TIAM2: variants seen among roughly 807,000 people sequenced by gnomAD.
TIAM2 encodes TIAM Rac1 associated GEF 2, also known as rho guanine nucleotide exchange factor TIAM2.
TIAM2 carries 80 observed loss-of-function variants against 152.9 expected under a neutral mutation model. The ratio of observed to expected loss-of-function variants is 0.52; its 90% CI spans 0.44 to 0.63. The LOEUF is 0.63. Ranked by LOEUF, TIAM2 falls within the 30% of genes least tolerant of loss-of-function variation. The pLI is 0.00. For missense variants in TIAM2, 1,965 were observed against 2,120.1 expected, an observed-to-expected ratio of 0.93 and a Z score of 1.44; for synonymous variants, 804 against 838.0, an observed-to-expected ratio of 0.96 and a Z score of 0.70.
intron 1 of TIAM2, among the ~76,000 whole-genome samples, chr6:155,045,872 T>TTTTTC (rs1777163708): frequency 8.7e-6 from 1 of 114,562 alleles, no homozygotes. Flanking sequence ...GGTTTTTGTT[T>TTTTTC]GTTTGTTTTA....
chr6:155,092,847 C>T (rs1778334176), intron 2 of TIAM2, among the ~76,000 whole-genome samples: 1 of 81,178 alleles, frequency 1.2e-5, no homozygotes, highest in Non-Finnish European at 3.3e-5. Flanking sequence ...AAGAATGAAA[C>T]TCTGTCTCAA....
At chr6:155,119,618 C>T (rs920646042) in intron 2 of TIAM2, among the ~76,000 whole-genome samples, 2 of 152,194 alleles carry the variant, frequency 1.3e-5, no homozygotes. Flanking sequence ...GGATTACAGG[C>T]GTGAGCCACC....
At chr6:155,188,514 G>A (rs1036985488) in intron 14 of TIAM2, among the ~76,000 whole-genome samples, 5 of 152,158 alleles carry the variant, frequency 3.3e-5, no homozygotes, top group African/African-American at 9.7e-5. Flanking sequence ...TGACTTGAGC[G>A]GAAATATCAT....
chr6:155,247,711 G>A lies in TIAM2; in HGVS notation c.3653-289G>A, dbSNP rs546013716. On this transcript the variant is annotated intron_variant, in intron 19 of 26. Coordinates refer to ENST00000682666, the MANE Select transcript of TIAM2 (RefSeq NM_012454.4). ...TATTTCTCATGGGTATGCATGAAAT[G>A]TGTCTTTAAAGTCAGACATTCCTGC... is the stretch of plus-strand genomic sequence containing the variant. Among the ~76,000 whole-genome samples the A allele has an allele frequency of 1.8e-4, 28 of 152,334 alleles. 1 individual carries two copies. The South Asian group carries it at 5.4e-3, about 29-fold the overall frequency.
At chr6:155,178,973 C>A in intron 10 of TIAM2, 66 bp from the exon 11 acceptor site, 2 of 1,258,146 alleles carry the variant, frequency 1.6e-6, no homozygotes, top group Non-Finnish European at 2.3e-6. Flanking sequence ...TTTTAATAAG[C>A]CTGCTAACCA....
At chr6:155,088,376 C>T (rs968326036) in intron 1 of TIAM2, among the ~76,000 whole-genome samples, 22 of 152,106 alleles carry the variant, frequency 1.4e-4, no homozygotes, top group Non-Finnish European at 7.3e-5. Context: ...CCACTGCACC[C>T]GGCCCCGGTA....
chr6:155,178,949 A>C, intron 10 of TIAM2, 90 bp from the exon 11 acceptor site: 1 of 1,043,564 alleles, frequency 9.6e-7, no homozygotes, highest in East Asian at 2.5e-5. Context: ...TCTTTTAGAG[A>C]TTTCTACTTT....
rs987214089 is a variant in TIAM2 at position 155,079,949 on chromosome 6, GAAACAAA to G, written c.-208-10327_-208-10321del. ...GTTAATAGAGTGAGACCTTGTCTCAGAAACAAAAAACAAAAAACATAACCCCAAAAGT... is the reference window on the plus strand; with the variant it reads ...GTTAATAGAGTGAGACCTTGTCTCAGAAACAAAAAACATAACCCCAAAAGT... On this transcript the variant is annotated intron_variant, in intron 1 of 26. Transcript: ENST00000682666. 5.9e-5 allele frequency among the ~76,000 whole-genome samples: 9 copies of G among 152,084 alleles called. No individual in the cohort carries two copies. In the East Asian group the frequency reaches 1.4e-3, roughly 23 times the overall value.
At chr6:155,092,346 T>C (rs1455972663) in intron 2 of TIAM2, among the ~76,000 whole-genome samples, 49 of 145,436 alleles carry the variant, frequency 3.4e-4, no homozygotes, top group East Asian at 6.2e-4. Context: ...GATCCGCCCG[T>C]CTCAGCCTCC....
chr6:155,187,611 C>CTTTTTTTTTT (rs1781079830), intron 14 of TIAM2, among the ~76,000 whole-genome samples: 1 of 79,676 alleles, frequency 1.3e-5, no homozygotes, highest in Non-Finnish European at 2.3e-5. Flanking sequence ...TGAAGTTTTG[C>CTTTTTTTTTT]TCTTGTTGCC....
intron 14 of TIAM2, among the ~76,000 whole-genome samples, chr6:155,193,755 C>T (rs1462134422): frequency 6.6e-6 from 1 of 152,074 alleles, no homozygotes; most frequent in African/African-American, 2.4e-5. Context: ...TTTTGCTGCT[C>T]CATTGAGGAC....
chr6:155,099,592 C>G (rs905562507), intron 2 of TIAM2, among the ~76,000 whole-genome samples: 1 of 152,082 alleles, frequency 6.6e-6, no homozygotes, highest in African/African-American at 2.4e-5. Flanking sequence ...GGAAAATTAC[C>G]AGAACTTTGA....
intron 14 of TIAM2, among the ~76,000 whole-genome samples, chr6:155,184,133 C>T (rs141213073): frequency 6.6e-6 from 1 of 152,210 alleles, no homozygotes; most frequent in East Asian, 1.9e-4. Context: ...AGACTACAAA[C>T]GTGTACCACC....
intron 26 of TIAM2, 71 bp downstream of exon 26, chr6:155,254,644 G>A: frequency 6.4e-7 from 1 of 1,554,178 alleles, no homozygotes. Flanking sequence ...ATATGCTCTT[G>A]TAACATAGCT....
intron 1 of TIAM2, among the ~76,000 whole-genome samples, chr6:155,085,336 G>A (rs935859026): frequency 2.6e-5 from 4 of 152,188 alleles, no homozygotes; most frequent in Non-Finnish European, 5.9e-5. Flanking sequence ...CTTACGTAGA[G>A]GTGGGAGGCA....
At chr6:155,005,540 A>G (rs1161448393) in intron 1 of TIAM2, among the ~76,000 whole-genome samples, 1 of 151,934 alleles carries the variant, frequency 6.6e-6, no homozygotes, top group Non-Finnish European at 1.5e-5. Flanking sequence ...GGGTTTCACC[A>G]TGTTGGCCAG....
rs201228697 is a variant in TIAM2 at position 155,018,052 on chromosome 6, CAAT to C, written c.-209+22561_-209+22563del. Reference sequence around the variant, plus strand: ...TTTTTATATTGTTTACATGTCAAAACAATGATATTTTGGATGTATTGGATTAAA... The same window carrying C: ...TTTTTATATTGTTTACATGTCAAAACGATATTTTGGATGTATTGGATTAAA... On this transcript the variant is annotated intron_variant, in intron 1 of 26. Transcript: ENST00000682666. Among the ~76,000 whole-genome samples the C allele has an allele frequency of 3.6e-3, 550 of 152,106 alleles. 4 individuals carry two copies. The highest frequency in any genetic ancestry group is 0.013 in the African/African-American group (520 of 41,496).
chr6:155,070,050 G>A (rs1332480230), intron 1 of TIAM2, among the ~76,000 whole-genome samples: 2 of 150,298 alleles, frequency 1.3e-5, no homozygotes, highest in Non-Finnish European at 3.0e-5. Flanking sequence ...GGGATTACAG[G>A]CGTCTACCAC....
intron 1 of TIAM2, among the ~76,000 whole-genome samples, chr6:155,010,518 C>T (rs1289474683): frequency 3.9e-5 from 6 of 152,134 alleles, no homozygotes; most frequent in African/African-American, 7.2e-5. Context: ...TGCAATGGCA[C>T]GATCTCGGCT....
Sources: gnomAD v4.1 joint callset for allele counts (sites outside exome capture counted in the v4.1 genomes callset) on GRCh38, gnomAD v4.1.1 for gene constraint, MANE v1.5 for transcripts, NCBI Gene and HGNC (gene_info 2026-07-23, HGNC 2026-07-21) for gene names.